The following GBE1 variants were observed in gnomAD, a reference collection of about 807,000 sequenced individuals.
The protein encoded by GBE1 is 1,4-alpha-glucan branching enzyme 1.
GBE1 carries 70 observed loss-of-function variants against 88.8 expected under a neutral mutation model. The ratio of observed to expected loss-of-function variants is 0.79; its 90% confidence interval spans 0.65 to 0.96. The LOEUF is 0.96. GBE1 is among the 40% of genes least tolerant of loss of function. The pLI is 0.00. For missense variants in GBE1, 872 were observed against 871.0 expected, an observed-to-expected ratio of 1.00 and a Z score of -0.01; for synonymous variants, 284 against 300.1, an observed-to-expected ratio of 0.95 and a Z score of 0.56.
intron 12 of GBE1, among the ~76,000 whole-genome samples, chr3:81,567,449 T>C (rs374998310): frequency 3.3e-5 from 5 of 152,220 alleles, no homozygotes; most frequent in Non-Finnish European, 5.9e-5. Context: ...ACCAATTTTA[T>C]TTATCCAGTT....
chr3:81,631,558 A>G (rs1267994413), intron 7 of GBE1, among the ~76,000 whole-genome samples: 8 of 151,766 alleles, frequency 5.3e-5, no homozygotes, highest in Admixed American at 5.3e-4. Flanking sequence ...AACATGGTGA[A>G]ACCCCGTCTC....
rs867725492 is a variant in GBE1, at chr3:81,503,373, T to G, written c.1935-4146A>C. 9.2e-5 allele frequency among the ~76,000 whole-genome samples: 14 copies of G among 152,312 alleles called. No homozygotes were observed. In the South Asian group the frequency reaches 2.9e-3, roughly 32 times the overall value. On this transcript the variant is annotated intron_variant, in intron 14 of 15. Transcript: ENST00000429644. ...AAGGCTGGGTTAGGGTCTTAAGACTTATTTTATTAGTTAAGTGTGATAGTG... is the reference window on the plus strand; with the variant it reads ...AAGGCTGGGTTAGGGTCTTAAGACTGATTTTATTAGTTAAGTGTGATAGTG...
At chr3:81,718,496 T>C (rs1705974619) in intron 1 of GBE1, among the ~76,000 whole-genome samples, 1 of 152,102 alleles carries the variant, frequency 6.6e-6, no homozygotes, top group South Asian at 2.1e-4. Flanking sequence ...ATGAGAAAAC[T>C]GAAGAGGTTA....
intron 1 of GBE1, among the ~76,000 whole-genome samples, chr3:81,745,843 C>T (rs574832224): frequency 2.6e-5 from 4 of 151,970 alleles, no homozygotes; most frequent in Admixed American, 2.6e-4. Context: ...GCCAAATAAA[C>T]GTACAAACAA....
intron 3 of GBE1, among the ~76,000 whole-genome samples, chr3:81,663,354 G>A (rs1705056839): frequency 6.6e-6 from 1 of 152,178 alleles, no homozygotes. Context: ...AGGAGGACGC[G>A]GAGGGGGCAC....
At chr3:81,742,053 C>T (rs1706357120) in intron 1 of GBE1, among the ~76,000 whole-genome samples, 1 of 151,670 alleles carries the variant, frequency 6.6e-6, no homozygotes, top group African/African-American at 2.4e-5. Context: ...TTTCTGTTTG[C>T]CAGACTTCCC....
chr3:81,706,452 A>G (rs555779435), intron 1 of GBE1, among the ~76,000 whole-genome samples: 1 of 152,318 alleles, frequency 6.6e-6, no homozygotes, highest in South Asian at 2.1e-4. Context: ...GAAACAAACT[A>G]GGAAAAACTT....
At chr3:81,546,803 A>G (rs1434194982) in intron 12 of GBE1, among the ~76,000 whole-genome samples, 1 of 151,376 alleles carries the variant, frequency 6.6e-6, no homozygotes, top group Non-Finnish European at 1.5e-5. Context: ...TGGAGTAGCT[A>G]TTCGTTCATT....
In GBE1 at chr3:81,636,776, C is replaced by G. The variant is rs191766387; in HGVS notation, c.992+6005G>C. Among the ~76,000 whole-genome samples, 751 of 152,132 alleles carry G rather than the reference C, an allele frequency of 4.9e-3. 16 individuals are homozygous for G. The highest frequency in any genetic ancestry group is 0.017 in the African/African-American group (713 of 41,502). On this transcript the variant is annotated intron_variant, in intron 7 of 15. Transcript: ENST00000429644. ...AACTCCCAATCTCAGGTGATCAGCC[C>G]CCCTTGGCCTCCCAAAATGCCGGGA...
At chr3:81,757,713 G>C (rs758213837) in intron 1 of GBE1, among the ~76,000 whole-genome samples, 2 of 152,150 alleles carry the variant, frequency 1.3e-5, no homozygotes, top group Non-Finnish European at 2.9e-5. Context: ...AACATGTTTG[G>C]AATGAAAATC....
chr3:81,600,547 A>G (rs1704018966), intron 7 of GBE1, among the ~76,000 whole-genome samples: 1 of 152,130 alleles, frequency 6.6e-6, no homozygotes, highest in Non-Finnish European at 1.5e-5. Context: ...ATAAATTAGA[A>G]TAAAGATCTT....
chr3:81,526,951 G>A (rs1335054383), intron 14 of GBE1, among the ~76,000 whole-genome samples: 2 of 151,990 alleles, frequency 1.3e-5, no homozygotes, highest in Non-Finnish European at 2.9e-5. Flanking sequence ...GAGGTATCAC[G>A]CTACCTGACT....
intron 4 of GBE1, 21 bp from the exon 5 acceptor site, chr3:81,649,012 T>C (rs755230008): frequency 1.5e-5 from 23 of 1,521,642 alleles, no homozygotes; most frequent in Non-Finnish European, 8.9e-7. Context: ...TAAAATTATG[T>C]ATAGAGTTAA....
intron 2 of GBE1, 31 bp from the exon 3 acceptor site, chr3:81,670,984 A>G: frequency 9.5e-7 from 1 of 1,053,368 alleles, no homozygotes; most frequent in Non-Finnish European, 1.4e-6. Flanking sequence ...AGTTAACAAC[A>G]GCATGATAGG....
chr3:81,649,767 T>C, intron 4 of GBE1, 29 bp downstream of exon 4: 1 of 1,556,250 alleles, frequency 6.4e-7, no homozygotes, highest in Non-Finnish European at 8.7e-7. Flanking sequence ...ATTGGAACAA[T>C]AATTTATTTA....
intron 1 of GBE1, among the ~76,000 whole-genome samples, chr3:81,709,008 G>A (rs910891478): frequency 6.6e-6 from 1 of 152,146 alleles, no homozygotes; most frequent in African/African-American, 2.4e-5. Flanking sequence ...TTGCAAAGCT[G>A]ATGATAACAT....
intron 12 of GBE1, among the ~76,000 whole-genome samples, chr3:81,560,886 T>G (rs1703406526): frequency 6.6e-6 from 1 of 152,012 alleles, no homozygotes; most frequent in Non-Finnish European, 1.5e-5. Flanking sequence ...CTAAGTGTAT[T>G]TTTAGGGGAA....
In GBE1 at chr3:81,512,976, TGGGC is replaced by T. The variant is rs1225486179; in HGVS notation, c.1935-13753_1935-13750del. ...CCCAAGTAATTTTGTTTAATTTGAA[TGGGC>T]TGAGCTAGGTTATACTAGAGTTTTT... On this transcript the variant is annotated intron_variant, in intron 14 of 15. Transcript: ENST00000429644. Among the ~76,000 whole-genome samples, 576 of 151,892 alleles carry T rather than the reference TGGGC, an allele frequency of 3.8e-3. 2 individuals carry two copies. The highest frequency in any genetic ancestry group is 5.5e-3 in the African/African-American group (230 of 41,508).
At chr3:81,737,260 T>A (rs995910499) in intron 1 of GBE1, among the ~76,000 whole-genome samples, 1 of 144,832 alleles carries the variant, frequency 6.9e-6, no homozygotes, top group Non-Finnish European at 1.5e-5. Context: ...TATATTTATA[T>A]AAATATATAT....
Sources: allele counts gnomAD v4.1 joint callset (sites outside exome capture counted in the v4.1 genomes callset), GRCh38; gene constraint gnomAD v4.1.1; transcripts MANE v1.5; gene names NCBI Gene and HGNC (gene_info 2026-07-23, HGNC 2026-07-21).